The following PCDHGA3 variants were observed in gnomAD, a reference collection of about 807,000 sequenced individuals.
PCDHGA3 encodes protocadherin gamma-A3.
PCDHGA3 carries 40 observed loss-of-function variants against 58.5 expected under a neutral mutation model. The observed-to-expected ratio is 0.68, with a 90% confidence interval of 0.53 to 0.89. The LOEUF (loss-of-function observed/expected upper bound fraction) is 0.89. Among genes scored for constraint, PCDHGA3 ranks in the 40% least tolerant of loss-of-function variants. The probability of loss-of-function intolerance (pLI) is 0.00; values close to 1 mark genes in which losing one functional copy is unlikely to be tolerated. For missense variants in PCDHGA3, 1,223 were observed against 1,195.9 expected, an observed-to-expected ratio of 1.02 and a Z score of -0.33; for synonymous variants, 530 against 525.7, an observed-to-expected ratio of 1.01 and a Z score of -0.11.
chr5:141,365,077 G>C (rs1048742374), intron 1 of PCDHGA3: 1 of 1,613,842 alleles, frequency 6.2e-7, no homozygotes. Context: ...AGTACAGCGT[G>C]AGTGTTCCAG....
At chr5:141,412,917 G>C (rs918712966) in intron 1 of PCDHGA3, 2 of 410,214 alleles carry the variant, frequency 4.9e-6, no homozygotes, top group African/African-American at 2.1e-5. Context: ...GTATCACTTG[G>C]GTGCAGTAAC....
chr5:141,500,139 CT>C (rs2099796692), intron 2 of PCDHGA3, among the ~76,000 whole-genome samples: 2 of 151,768 alleles, frequency 1.3e-5, no homozygotes, highest in East Asian at 3.9e-4. Context: ...TCTTTCTAAA[CT>C]TTTCTTTGTG....
Position 141,428,338 on chromosome 5 carries a change from T to C in PCDHGA3, c.2425-66469T>C, listed in dbSNP as rs575215422. 427 of 592,394 alleles carry C rather than the reference T, an allele frequency of 7.2e-4. 1 individual carries two copies. The highest frequency in any genetic ancestry group is 1.3e-3 in the Non-Finnish European group (409 of 326,444). 36.7% of individuals were successfully genotyped at this position (592,394 alleles called of 1,614,324 possible). ...CTTGGCCTTGATTTCTATGCTCTTC[T>C]TCCTCGCAGTGATTTTGGCGGTCGC... On this transcript the variant is annotated intron_variant, in intron 1 of 3. Coordinates refer to ENST00000253812, the MANE Select transcript of PCDHGA3 (RefSeq NM_018916.4).
intron 1 of PCDHGA3, chr5:141,383,333 A>G: frequency 6.2e-7 from 1 of 1,614,006 alleles, no homozygotes; most frequent in South Asian, 1.1e-5. Context: ...ATAATGGAGA[A>G]TACAGCTCCT....
rs1394490963 is a variant in PCDHGA3 at position 141,393,307 on chromosome 5, A to G, written c.2424+46850A>G. On this transcript the variant is annotated intron_variant, in intron 1 of 3. Coordinates refer to ENST00000253812, the MANE Select transcript of PCDHGA3 (RefSeq NM_018916.4). ...GCTGTTGACCCGGATGTGGGCGTGAACTCCCTCCAGAGCTACCAGCTCAGC... is the reference window on the plus strand; with the variant it reads ...GCTGTTGACCCGGATGTGGGCGTGAGCTCCCTCCAGAGCTACCAGCTCAGC... 4 of 1,613,476 alleles carry G rather than the reference A, an allele frequency of 2.5e-6. No homozygotes were observed. The highest frequency in any genetic ancestry group is 3.3e-5 in the Admixed American group (2 of 59,966).
intron 1 of PCDHGA3, among the ~76,000 whole-genome samples, chr5:141,436,515 G>A (rs1393437693): frequency 6.6e-6 from 1 of 152,160 alleles, no homozygotes; most frequent in Non-Finnish European, 1.5e-5. Context: ...ATTGTTAACT[G>A]TGTCACCTTT....
At chr5:141,425,392 A>G (rs2096872216) in intron 1 of PCDHGA3, among the ~76,000 whole-genome samples, 1 of 152,232 alleles carries the variant, frequency 6.6e-6, no homozygotes, top group African/African-American at 2.4e-5. Flanking sequence ...GGTAGTGATA[A>G]AGTTCTGTTA....
At chr5:141,351,618 A>G in intron 1 of PCDHGA3, 2 of 1,613,976 alleles carry the variant, frequency 1.2e-6, no homozygotes, top group Middle Eastern at 1.6e-4. Context: ...CAGGCCTCCT[A>G]TGTGGTCCAC....
At chr5:141,374,310 C>G (rs770058469) in intron 1 of PCDHGA3, 4 of 1,614,006 alleles carry the variant, frequency 2.5e-6, no homozygotes, top group South Asian at 1.1e-5. Flanking sequence ...CAGCTTTTCT[C>G]TCTGAATCCG....
chr5:141,408,729 C>T (rs767933076), intron 1 of PCDHGA3: 9 of 1,610,240 alleles, frequency 5.6e-6, no homozygotes, highest in Non-Finnish European at 7.6e-6. Flanking sequence ...AACTCTAATC[C>T]TTATTTTTCA....
chr5:141,431,460 A>C lies in PCDHGA3; in HGVS notation c.2425-63347A>C, dbSNP rs761879594. On this transcript the variant is annotated intron_variant, in intron 1 of 3. Coordinates refer to ENST00000253812, the MANE Select transcript of PCDHGA3 (RefSeq NM_018916.4). This position sits in a 1 kb window ranked among gnomAD's most constrained non-coding sequence, Gnocchi z 4.8. ...GCGCGCATCCGCGTGATGGTTCTGGATGCGAACGACAACGCACCAGCGTTT... is the reference window on the plus strand; with the variant it reads ...GCGCGCATCCGCGTGATGGTTCTGGCTGCGAACGACAACGCACCAGCGTTT... 8.1e-6 allele frequency: 13 copies of C among 1,613,676 alleles called. No individual in the cohort carries two copies. The highest frequency in any genetic ancestry group is 1.1e-5 in the Non-Finnish European group (13 of 1,179,984).
In PCDHGA3 at chr5:141,494,863, C is replaced by A. The variant is rs538734954; in HGVS notation, c.2481C>A (p.Ser827Arg). 17 of 1,614,118 alleles carry A rather than the reference C, an allele frequency of 1.1e-5. No individual in the cohort carries two copies. Among genetic ancestry groups the A allele is most frequent in the Non-Finnish European group, 1.4e-5 (17 of 1,179,994 alleles). Residue 827 changes from serine to arginine, a missense_variant and splice_region_variant, in exon 2 of 4, where the codon AGC becomes AGA. By Grantham distance (110) the Ser-to-Arg change is moderately radical. Transcript: ENST00000253812. ...RFSQAQRPGT[S>R]GSQNGDDTGT... ...CTCAGGCCCAGAGACCCGGCACCAG[C>A]GGGTAGGTGACTGATTCTCCAGCCC...
intron 1 of PCDHGA3, chr5:141,352,708 G>C: frequency 6.5e-7 from 1 of 1,543,660 alleles, no homozygotes; most frequent in Non-Finnish European, 8.7e-7. Context: ...TATATATGGC[G>C]GCCGGGCGCG....
Position 141,344,184 on chromosome 5 carries a change from G to C in PCDHGA3, c.151G>C (p.Asp51His), listed in dbSNP as rs747892220. 14 of 1,614,016 alleles carry C rather than the reference G, an allele frequency of 8.7e-6. No individual in the cohort carries two copies. The highest frequency in any genetic ancestry group is 1.2e-5 in the Non-Finnish European group (14 of 1,179,886). The part of the protein sequence containing the change: ...KGSFVGNIAN[D>H]LGLEPRELAE... Reference sequence around the variant, plus strand: ...TTCCTTCGTGGGCAACATCGCTAACGACCTGGGGCTAGAGCCCCGGGAGCT... The same window carrying C: ...TTCCTTCGTGGGCAACATCGCTAACCACCTGGGGCTAGAGCCCCGGGAGCT... The change falls in exon 1 of 4, where the codon GAC (aspartate) becomes CAC (histidine). Residue 51 changes from aspartate (D) to histidine (H), a missense_variant. Physicochemically the swap from Asp to His is moderately conservative, Grantham distance 81. Around this residue, in one of 3 missense-constraint regions of PCDHGA3, gnomAD observed 791 missense variants for 708.5 expected, o/e 1.12. Transcript: ENST00000253812.
intron 1 of PCDHGA3, chr5:141,357,132 G>C (rs1369808514): frequency 6.2e-7 from 1 of 1,613,550 alleles, no homozygotes; most frequent in South Asian, 1.1e-5. Flanking sequence ...GGCTTGTAGT[G>C]GTCGTCCAGG....
intron 1 of PCDHGA3, chr5:141,351,104 C>G: frequency 6.2e-7 from 1 of 1,614,064 alleles, no homozygotes; most frequent in Non-Finnish European, 8.5e-7. Flanking sequence ...CCTCAATTCC[C>G]CAATAAGTAC....
chr5:141,373,138 T>G (rs1047353742), intron 1 of PCDHGA3, among the ~76,000 whole-genome samples: 9 of 152,246 alleles, frequency 5.9e-5, no homozygotes, highest in African/African-American at 2.2e-4. Flanking sequence ...TCCTCACAAT[T>G]AAGTGGTTTA....
At chr5:141,371,849 C>T (rs1323132095) in intron 1 of PCDHGA3, 2 of 1,613,542 alleles carry the variant, frequency 1.2e-6, no homozygotes, top group Admixed American at 1.7e-5. Flanking sequence ...GACCTAATGG[C>T]CTTGTCTCCT....
Position 141,511,151 on chromosome 5 carries a change from C to G in PCDHGA3, c.2777C>G (p.Ser926Trp). The change falls in exon 4 of 4, where the codon TCG becomes TGG. Residue 926 changes from serine (S) to tryptophan (W), a missense_variant. Around this residue, in one of 3 missense-constraint regions of PCDHGA3, gnomAD observed 325 missense variants for 327.5 expected, o/e 0.99. Transcript: ENST00000253812. ...PAGGNGNKKK[S>W]GKKEKK ...GGTGGCAATGGCAACAAGAAGAAGTCGGGCAAGAAGGAGAAGAAGTAACAT... is the reference window on the plus strand; with the variant it reads ...GGTGGCAATGGCAACAAGAAGAAGTGGGGCAAGAAGGAGAAGAAGTAACAT... The G allele has an allele frequency of 6.2e-7, 1 of 1,614,152 alleles. No individual in the cohort carries two copies. Among genetic ancestry groups the G allele is most frequent in the Non-Finnish European group, 8.5e-7 (1 of 1,179,994 alleles).
Sources: gnomAD v4.1 joint callset for allele counts (sites outside exome capture counted in the v4.1 genomes callset) on GRCh38, gnomAD v4.1.1 for gene constraint, gnomAD v4.1.1 regional missense constraint, Gnocchi (gnomAD v3.1) non-coding constraint, MANE v1.5 for transcripts, NCBI Gene and HGNC (gene_info 2026-07-23, HGNC 2026-07-21) for gene names.